AGO4: variants seen among roughly 807,000 people sequenced by gnomAD.
The protein encoded by AGO4 is argonaute RISC component 4.
Under a neutral mutation model 104.7 loss-of-function variants are expected in AGO4, and 33 were observed. The observed-to-expected ratio is 0.32, with a 90% CI of 0.24 to 0.42. The LOEUF is 0.42. Ranked by LOEUF, AGO4 falls within the 10% of genes least tolerant of loss-of-function variation. AGO4 has a pLI of 1.00. For missense variants in AGO4, 711 were observed against 1,083.4 expected, an observed-to-expected ratio of 0.66 and a Z score of 4.83; for synonymous variants, 331 against 364.7, an observed-to-expected ratio of 0.91 and a Z score of 1.05.
chr1:35,852,565 T>C (rs1157030544), intron 17 of AGO4, among the ~76,000 whole-genome samples: 2 of 152,210 alleles, frequency 1.3e-5, no homozygotes, highest in Non-Finnish European at 2.9e-5. Context: ...GCTAGGTACG[T>C]AGATGCATTC....
At chr1:35,818,988 A>G (rs1298218955) in intron 2 of AGO4, among the ~76,000 whole-genome samples, 1 of 152,204 alleles carries the variant, frequency 6.6e-6, no homozygotes. Context: ...AAATTAATTA[A>G]GAGGCACTTG....
chr1:35,831,746 TG>T lies in AGO4; in HGVS notation c.997-64del, dbSNP rs1216789822. The T allele has an allele frequency of 1.9e-6, 3 of 1,589,920 alleles. No individual in the cohort carries two copies. In the African/African-American group the frequency reaches 4.1e-5, roughly 22 times the overall value. On this transcript the variant is annotated intron_variant, in intron 8 of 17. Coordinates refer to ENST00000373210, the MANE Select transcript of AGO4 (RefSeq NM_017629.4). ...TTCTGGAAATAGAGGATATAAGATA[TG>T]GTTTGGCAAAGGTTTAAGATGTGGA...
intron 15 of AGO4, among the ~76,000 whole-genome samples, chr1:35,849,686 CAAA>C (rs58930702): frequency 9.5e-5 from 7 of 74,018 alleles, no homozygotes; most frequent in Admixed American, 1.2e-4. Context: ...GACGCTGTCT[CAAA>C]AAAAAAAAAA....
chr1:35,841,726 C>G lies in AGO4; in HGVS notation c.2151C>G (p.Leu717=), dbSNP rs1293863038. ...TGCAAAAAAGACATCACACACGACT[C>G]TTCTGTGCAGATAAAACAGAAAGGG... ...IVVQKRHHTR[L]FCADKTERVG... is the part of the protein sequence containing the mutation. Residue 717 remains leucine, a synonymous_variant, in exon 15 of 18, where the codon CTC becomes CTG. Transcript: ENST00000373210. The surrounding 1 kb of genome is among the most constrained non-coding windows in gnomAD (Gnocchi z 4.7). The G allele has an allele frequency of 3.1e-6, 5 of 1,613,742 alleles. No homozygotes were observed. The highest frequency in any genetic ancestry group is 4.2e-6 in the Non-Finnish European group (5 of 1,179,934).
At chr1:35,848,372 C>T (rs1644622074) in intron 15 of AGO4, among the ~76,000 whole-genome samples, 1 of 152,172 alleles carries the variant, frequency 6.6e-6, no homozygotes, top group South Asian at 2.1e-4. Context: ...AGGCATGGCT[C>T]ACCTATTTCC....
intron 13 of AGO4, among the ~76,000 whole-genome samples, chr1:35,838,927 T>C (rs1305793612): frequency 6.6e-6 from 1 of 152,132 alleles, no homozygotes; most frequent in Non-Finnish European, 1.5e-5. Context: ...TCTCTTTTTT[T>C]TTTAATTTAA....
chr1:35,811,635 G>C (rs187915344), intron 1 of AGO4, among the ~76,000 whole-genome samples: 1 of 151,616 alleles, frequency 6.6e-6, no homozygotes, highest in Admixed American at 6.6e-5. Context: ...ACAGAGTCTC[G>C]CTGTGTCGCC....
intron 1 of AGO4, among the ~76,000 whole-genome samples, chr1:35,814,057 A>C (rs544013312): frequency 2.0e-5 from 3 of 149,812 alleles, no homozygotes; most frequent in African/African-American, 7.4e-5. Context: ...CCTGGGCAAC[A>C]GTGTGAGACT....
chr1:35,832,296 A>G, intron 10 of AGO4, 111 bp downstream of exon 10: 1 of 1,534,344 alleles, frequency 6.5e-7, no homozygotes, highest in Middle Eastern at 1.9e-4. Flanking sequence ...TTTGTTCATT[A>G]TTGCCTTTTG....
chr1:35,828,369 G>T (rs1465367027), intron 7 of AGO4, among the ~76,000 whole-genome samples: 1 of 151,928 alleles, frequency 6.6e-6, no homozygotes, highest in African/African-American at 2.4e-5. Context: ...TGCCCAGGCT[G>T]GGAGAAGACA....
At chr1:35,827,208 A>G (rs1644045284) in intron 7 of AGO4, among the ~76,000 whole-genome samples, 1 of 151,692 alleles carries the variant, frequency 6.6e-6, no homozygotes, top group South Asian at 2.1e-4. Context: ...CTCAAAAAAA[A>G]TTAATAAATA....
At chr1:35,811,983 C>T (rs1003410359) in intron 1 of AGO4, among the ~76,000 whole-genome samples, 6 of 151,946 alleles carry the variant, frequency 3.9e-5, no homozygotes, top group African/African-American at 7.3e-5. Context: ...ATGAGGAAAC[C>T]GAGATGCAGA....
At chr1:35,832,747 G>C (rs963879) in intron 11 of AGO4, among the ~76,000 whole-genome samples, 177 bp downstream of exon 11, 19,081 of 152,088 alleles carry the variant, frequency 0.13, 2,938 homozygotes, top group East Asian at 0.7. Flanking sequence ...ATTACATTAA[G>C]AATCTGACTC....
intron 2 of AGO4, among the ~76,000 whole-genome samples, chr1:35,820,167 C>G (rs1643862482): frequency 6.6e-6 from 1 of 152,006 alleles, no homozygotes; most frequent in African/African-American, 2.4e-5. Context: ...TTGAATTTAG[C>G]TATATGGAGC....
At chr1:35,825,288 T>A (rs1643988769) in intron 3 of AGO4, 25 bp from the exon 4 acceptor site, 2 of 1,606,028 alleles carry the variant, frequency 1.2e-6, no homozygotes, top group Non-Finnish European at 1.7e-6. Flanking sequence ...CATTTGTGTT[T>A]GTATTCATGT....
In AGO4 at chr1:35,826,007, A is replaced by C. The variant is rs1395044173; in HGVS notation, c.707A>C (p.Gln236Pro). The change falls in exon 6 of 18, where the codon CAG (glutamine) becomes CCG (proline). Residue 236 changes from glutamine to proline, a missense_variant. Transcript: ENST00000373210. ...EVLDIQNINE[Q>P]TKPLTDSQRV... is the part of the protein sequence containing the mutation. ...TTAGACATTCAGAACATCAATGAAC[A>C]GACCAAACCTCTAACAGACTCCCAG... The C allele has an allele frequency of 6.2e-7, 1 of 1,614,232 alleles. No homozygotes were observed. Among genetic ancestry groups the C allele is most frequent in the Admixed American group, 1.7e-5 (1 of 60,016 alleles).
intron 15 of AGO4, among the ~76,000 whole-genome samples, chr1:35,846,604 G>GATATATATATATATAT (rs72414122): frequency 1.4e-5 from 2 of 140,662 alleles, no homozygotes; most frequent in African/African-American, 2.6e-5. Flanking sequence ...CTCAAAAAAA[G>GATATATATATATATAT]ATATATATAT....
rs767080407 is a variant in AGO4 at position 35,853,534 on chromosome 1, C to T, written c.2515C>T (p.Arg839Trp). 7.4e-6 allele frequency: 12 copies of T among 1,613,684 alleles called. No homozygotes were observed. Among genetic ancestry groups the T allele is most frequent in the African/African-American group, 1.3e-5 (1 of 74,830 alleles). The change falls in exon 18 of 18, where the codon CGG becomes TGG. Residue 839 changes from arginine (R) to tryptophan (W), a missense_variant. By Grantham distance (101) the Arg-to-Trp change is moderately radical (BLOSUM62 -3). Coordinates refer to ENST00000373210, the MANE Select transcript of AGO4 (RefSeq NM_017629.4). Reference sequence around the variant, plus strand: ...TCATGTGTCAGGACAGAGCAACGGCCGGGATCCTCAGGCCTTGGCTAAGGC... The same window carrying T: ...TCATGTGTCAGGACAGAGCAACGGCTGGGATCCTCAGGCCTTGGCTAAGGC... ...GSHVSGQSNG[R>W]DPQALAKAVQ...
At chr1:35,844,484 A>G (rs1168727544) in intron 15 of AGO4, among the ~76,000 whole-genome samples, 1 of 151,954 alleles carries the variant, frequency 6.6e-6, no homozygotes, top group Non-Finnish European at 1.5e-5. Flanking sequence ...CAAGTCCCCT[A>G]CCCTATTCAT....
Sources: gnomAD v4.1 joint callset for allele counts (sites outside exome capture counted in the v4.1 genomes callset) on GRCh38, gnomAD v4.1.1 for gene constraint, Gnocchi (gnomAD v3.1) non-coding constraint, MANE v1.5 for transcripts, NCBI Gene and HGNC (gene_info 2026-07-23, HGNC 2026-07-21) for gene names.